Variants in PAM observed in about 807,000 individuals in gnomAD.
The protein encoded by PAM is peptidyl-glycine alpha-amidating monooxygenase.
PAM carries 72 observed loss-of-function variants against 122.1 expected under a neutral mutation model. The ratio of observed to expected loss-of-function variants is 0.59; its 90% confidence interval spans 0.49 to 0.72. The LOEUF (loss-of-function observed/expected upper bound fraction) is 0.72, where lower values mean the gene tolerates loss of function less well. PAM is among the 30% of genes least tolerant of loss of function. The pLI is 0.00. For synonymous variants in PAM, 389 were observed against 404.4 expected, an observed-to-expected ratio of 0.96 and a Z score of 0.46; for missense variants, 1,106 against 1,183.7, an observed-to-expected ratio of 0.93 and a Z score of 0.96.
At chr5:102,859,740 G>C (rs1443266242) in intron 1 of PAM, among the ~76,000 whole-genome samples, 8 of 152,092 alleles carry the variant, frequency 5.3e-5, no homozygotes, top group Non-Finnish European at 1.2e-4. Context: ...CAGTCCTGAA[G>C]CTCCATTTAT....
At position 102,795,681 on chromosome 5, in the gene PAM, G is replaced by A. The variant is rs778625625; in HGVS notation, c.-374+40333G>A. On this transcript the variant is annotated intron_variant, in intron 1 of 25. Transcript: ENST00000438793. ...GAACATACGTATTTGTGCTGCTGCC[G>A]TGTGGTTGGTGTGAGAGAAAAATCT... Among the ~76,000 whole-genome samples the A allele has an allele frequency of 2.6e-5, 4 of 152,144 alleles. No homozygotes were observed. The East Asian group carries it at 7.7e-4, about 29-fold the overall frequency.
At chr5:102,904,907 TTATGGAACTCATATGTG>T (rs1203538133) in intron 4 of PAM, among the ~76,000 whole-genome samples, 6 of 151,646 alleles carry the variant, frequency 4.0e-5, no homozygotes, top group African/African-American at 1.4e-4. Flanking sequence ...ATCACAGTCA[TTATGGAACTCATATGTG>T]TATATGCCTG....
At chr5:102,931,823 TC>T (rs1751631904) in intron 7 of PAM, among the ~76,000 whole-genome samples, 1 of 151,884 alleles carries the variant, frequency 6.6e-6, no homozygotes, top group Non-Finnish European at 1.5e-5. Context: ...TCTCTCTCTC[TC>T]TCTCTCTCTG....
chr5:102,780,600 G>A (rs1296353501), intron 1 of PAM, among the ~76,000 whole-genome samples: 6 of 151,768 alleles, frequency 4.0e-5, no homozygotes, highest in Non-Finnish European at 8.8e-5. Flanking sequence ...TGTACCTCCC[G>A]ACTGAACTCC....
At chr5:102,805,894 A>T (rs998403538) in intron 1 of PAM, among the ~76,000 whole-genome samples, 3 of 152,246 alleles carry the variant, frequency 2.0e-5, no homozygotes, top group African/African-American at 7.2e-5. Flanking sequence ...CCTCTCTAAC[A>T]GGCCACATAA....
At chr5:102,947,934 A>C (rs956985542) in intron 8 of PAM, among the ~76,000 whole-genome samples, 5 of 152,160 alleles carry the variant, frequency 3.3e-5, no homozygotes, top group African/African-American at 1.2e-4. Context: ...GGAAGGGTTG[A>C]TGTTGCATTC....
chr5:102,770,623 A>T (rs938455970), intron 1 of PAM, among the ~76,000 whole-genome samples: 1 of 152,092 alleles, frequency 6.6e-6, no homozygotes, highest in African/African-American at 2.4e-5. Context: ...CATGATGATC[A>T]TATGGTTTTT....
intron 12 of PAM, among the ~76,000 whole-genome samples, chr5:102,955,381 T>C (rs1181174988): frequency 1.3e-5 from 2 of 152,054 alleles, no homozygotes; most frequent in African/African-American, 2.4e-5. Context: ...CACAGATCAA[T>C]TGAGTACAAA....
chr5:102,953,150 A>C lies in PAM; in HGVS notation c.905+2330A>C, dbSNP rs371138773. ...ACCAAAATCAAGCTTAACTGTATTAAGCTAGAAATTTTGGAACTGGAGAAA... is the reference window on the plus strand; with the variant it reads ...ACCAAAATCAAGCTTAACTGTATTACGCTAGAAATTTTGGAACTGGAGAAA... On this transcript the variant is annotated intron_variant, in intron 12 of 25. Coordinates refer to ENST00000438793, the MANE Select transcript of PAM (RefSeq NM_001177306.2). Among the ~76,000 whole-genome samples, 9 of 152,322 alleles carry C rather than the reference A, an allele frequency of 5.9e-5. No homozygotes were observed. The East Asian group carries it at 1.5e-3, about 26-fold the overall frequency.
chr5:102,801,450 T>G (rs1307018129), intron 1 of PAM, among the ~76,000 whole-genome samples: 7 of 152,232 alleles, frequency 4.6e-5, no homozygotes. Context: ...GAACTGCCAG[T>G]AAACCTGCCT....
At chr5:102,984,165 GGAAA>G (rs769411228) in intron 15 of PAM, among the ~76,000 whole-genome samples, 1 of 151,674 alleles carries the variant, frequency 6.6e-6, no homozygotes, top group Non-Finnish European at 1.5e-5. Flanking sequence ...ATAAACAATA[GGAAA>G]GAAAGGAAAA....
intron 22 of PAM, among the ~76,000 whole-genome samples, chr5:103,017,926 C>G (rs1241489459): frequency 6.6e-5 from 10 of 152,064 alleles, no homozygotes; most frequent in Admixed American, 6.6e-4. Context: ...AACTGAATTG[C>G]TATATTTTCA....
Position 102,816,952 on chromosome 5 carries a change from G to A in PAM, c.-373-48871G>A, listed in dbSNP as rs557072963. On this transcript the variant is annotated intron_variant, in intron 1 of 25. Coordinates refer to ENST00000438793, the MANE Select transcript of PAM (RefSeq NM_001177306.2). The stretch of plus-strand genomic sequence containing the variant: ...TACAAATAATATGTCCCAAACTCCT[G>A]GTCATTTCCCTCTACCAAACTTGCT... Among the ~76,000 whole-genome samples, 6 of 152,026 alleles carry A rather than the reference G, an allele frequency of 3.9e-5. No individual in the cohort carries two copies. The East Asian group carries it at 7.7e-4, about 20-fold the overall frequency.
intron 1 of PAM, among the ~76,000 whole-genome samples, chr5:102,854,588 A>G (rs1054662961): frequency 1.3e-5 from 2 of 151,950 alleles, no homozygotes; most frequent in Admixed American, 1.3e-4. Flanking sequence ...AGGATCATGG[A>G]CCTCATCTTT....
At chr5:102,911,293 A>T (rs2151537085) in intron 4 of PAM, among the ~76,000 whole-genome samples, 1 of 152,016 alleles carries the variant, frequency 6.6e-6, no homozygotes, top group Non-Finnish European at 1.5e-5. Flanking sequence ...TTAGCATTTA[A>T]ATTAGATCTG....
At chr5:102,894,128 G>T (rs750531161) in intron 3 of PAM, among the ~76,000 whole-genome samples, 1 of 151,348 alleles carries the variant, frequency 6.6e-6, no homozygotes, top group Non-Finnish European at 1.5e-5. Context: ...GATCCTGGGG[G>T]TAAATACCAT....
chr5:102,852,692 A>G (rs1489521169), intron 1 of PAM, among the ~76,000 whole-genome samples: 1 of 152,192 alleles, frequency 6.6e-6, no homozygotes, highest in Admixed American at 6.5e-5. Context: ...AATAAAATTT[A>G]TGCATATATG....
chr5:102,761,846 A>G (rs778280480), intron 1 of PAM, among the ~76,000 whole-genome samples: 68 of 152,246 alleles, frequency 4.5e-4, no homozygotes, highest in Non-Finnish European at 8.4e-4. Context: ...TAGTGTTTAA[A>G]GAAAACTTTT....
At chr5:102,933,937 G>T (rs192925633) in intron 7 of PAM, among the ~76,000 whole-genome samples, 1 of 152,108 alleles carries the variant, frequency 6.6e-6, no homozygotes, top group Non-Finnish European at 1.5e-5. Context: ...TGGGAAACTG[G>T]ATCAGATTGC....
Sources: gnomAD v4.1 joint callset for allele counts (sites outside exome capture counted in the v4.1 genomes callset) on GRCh38, gnomAD v4.1.1 for gene constraint, MANE v1.5 for transcripts, NCBI Gene and HGNC (gene_info 2026-07-23, HGNC 2026-07-21) for gene names.